GLI2: variants seen among roughly 807,000 people sequenced by gnomAD.
GLI2 encodes GLI family zinc finger 2.
A neutral mutation model predicts 78.9 loss-of-function variants in GLI2; 22 were observed. The ratio of observed to expected loss-of-function variants is 0.28; its 90% CI spans 0.20 to 0.40. The LOEUF (loss-of-function observed/expected upper bound fraction) is 0.40. GLI2 is among the 10% of genes least tolerant of loss of function. The pLI is 1.00. For synonymous variants in GLI2, 974 were observed against 963.7 expected, an observed-to-expected ratio of 1.01 and a Z score of -0.20; for missense variants, 2,097 against 2,213.2, an observed-to-expected ratio of 0.95 and a Z score of 1.05.
chr2:120,983,874 G>A (rs561321760), intron 11 of GLI2, among the ~76,000 whole-genome samples: 108 of 152,270 alleles, frequency 7.1e-4, no homozygotes, highest in African/African-American at 2.6e-3. Context: ...GCCAGCCTTA[G>A]AGGGGAGTGT....
intron 2 of GLI2, among the ~76,000 whole-genome samples, chr2:120,819,622 C>T (rs1685670191): frequency 6.6e-6 from 1 of 152,162 alleles, no homozygotes; most frequent in African/African-American, 2.4e-5. Context: ...ATGGCAGGCA[C>T]AGAGAATTCT....
intron 1 of GLI2, among the ~76,000 whole-genome samples, chr2:120,773,618 A>G (rs968311020): frequency 3.3e-5 from 5 of 152,146 alleles, no homozygotes; most frequent in African/African-American, 9.7e-5. Context: ...GTGCTTGGGT[A>G]CAGTAGCGGC....
At chr2:120,860,872 G>T (rs1426406636) in intron 2 of GLI2, among the ~76,000 whole-genome samples, 2 of 152,186 alleles carry the variant, frequency 1.3e-5, no homozygotes, top group African/African-American at 4.8e-5. Flanking sequence ...GCCCTGCGTG[G>T]ATTACCCCAT....
chr2:120,988,904 C>G lies in GLI2; in HGVS notation c.2939C>G (p.Pro980Arg), dbSNP rs563818052. The change falls in exon 14 of 14, where the codon CCG becomes CGG. Residue 980 changes from proline to arginine, a missense_variant. Pro to Arg is a moderately radical substitution (Grantham distance 103). Coordinates refer to ENST00000361492, the MANE Select transcript of GLI2 (RefSeq NM_001374353.1). Reference sequence around the variant, plus strand: ...AGCACCCACAACGTGAACCCCGGCCCGCTGCCGCCCTGTGCCGACAGGCGA... The same window carrying G: ...AGCACCCACAACGTGAACCCCGGCCGGCTGCCGCCCTGTGCCGACAGGCGA... ...FHSTHNVNPG[P>R]LPPCADRRGL... 328 of 1,509,840 alleles carry G rather than the reference C, an allele frequency of 2.2e-4. 4 individuals are homozygous for G. The African/African-American group carries it at 4.1e-3, about 19-fold the overall frequency. 93.5% of individuals were successfully genotyped at this position (1,509,840 alleles called of 1,614,324 possible). A position where few individuals can be genotyped will look rare whatever the true frequency, so the allele number is the denominator to read the frequency against.
At chr2:120,808,052 C>T (rs1685045165) in intron 2 of GLI2, among the ~76,000 whole-genome samples, 1 of 152,222 alleles carries the variant, frequency 6.6e-6, no homozygotes, top group African/African-American at 2.4e-5. Flanking sequence ...GCTTGAAACC[C>T]TGGCACCAGA....
At chr2:120,770,534 T>C (rs1254692121) in intron 1 of GLI2, among the ~76,000 whole-genome samples, 1 of 152,106 alleles carries the variant, frequency 6.6e-6, no homozygotes, top group Non-Finnish European at 1.5e-5. Context: ...GCTCTGTATT[T>C]GGGATTTGGG....
intron 1 of GLI2, among the ~76,000 whole-genome samples, chr2:120,766,610 G>A (rs776860396): frequency 2.0e-4 from 31 of 152,202 alleles, no homozygotes; most frequent in Non-Finnish European, 3.7e-4. Flanking sequence ...TGAGAGCAGC[G>A]GAGGAGCATT....
chr2:120,900,724 G>T lies in GLI2; in HGVS notation c.149-26637G>T, dbSNP rs17005365. Among the ~76,000 whole-genome samples, 11 of 152,316 alleles carry T rather than the reference G, an allele frequency of 7.2e-5. No individual in the cohort carries two copies. In the East Asian group the frequency reaches 1.2e-3, roughly 16 times the overall value. ...TGGGTAAAATAGACAAGGGATGTGC[G>T]TGGAGACGGACATTGTATCCAAAAA... On this transcript the variant is annotated intron_variant, in intron 2 of 13. Transcript: ENST00000361492.
intron 1 of GLI2, among the ~76,000 whole-genome samples, chr2:120,783,525 T>C (rs2104673242): frequency 6.6e-6 from 1 of 152,132 alleles, no homozygotes; most frequent in South Asian, 2.1e-4. Flanking sequence ...ATTGATTGTG[T>C]CTTGGAGAGA....
intron 5 of GLI2, among the ~76,000 whole-genome samples, chr2:120,956,430 C>T (rs1558913203): frequency 6.6e-6 from 1 of 152,134 alleles, no homozygotes; most frequent in East Asian, 1.9e-4. Context: ...CAGCTGCTTT[C>T]ACAGGGACAC....
At chr2:120,803,723 A>G (rs1684806484) in intron 2 of GLI2, among the ~76,000 whole-genome samples, 1 of 152,152 alleles carries the variant, frequency 6.6e-6, no homozygotes, top group Non-Finnish European at 1.5e-5. Flanking sequence ...AAAGGTTACT[A>G]AAGCTGGCCA....
intron 2 of GLI2, among the ~76,000 whole-genome samples, chr2:120,904,421 G>C (rs371142772): frequency 1.3e-5 from 2 of 152,212 alleles, no homozygotes; most frequent in Non-Finnish European, 2.9e-5. Flanking sequence ...TGGGCTCTGA[G>C]AGCCTGTCGG....
intron 3 of GLI2, among the ~76,000 whole-genome samples, chr2:120,939,350 C>T (rs1196423559): frequency 1.3e-5 from 2 of 152,154 alleles, no homozygotes; most frequent in Admixed American, 1.3e-4. Context: ...ACCCTTATCC[C>T]CTGCTCACTC....
intron 2 of GLI2, among the ~76,000 whole-genome samples, chr2:120,904,348 G>A (rs1053051340): frequency 1.3e-5 from 2 of 152,164 alleles, no homozygotes; most frequent in African/African-American, 4.8e-5. Flanking sequence ...GGGCAGCCCA[G>A]GACCAGTCTT....
chr2:120,990,966 CCGGCTTCTTCA>C lies in GLI2; in HGVS notation c.*297_*307del. 1 of 396,988 alleles carries C rather than the reference CCGGCTTCTTCA, an allele frequency of 2.5e-6. No homozygotes were observed. Among genetic ancestry groups the C allele is most frequent in the Non-Finnish European group, 4.5e-6 (1 of 221,672 alleles). The allele number at this position is 396,988 out of a possible 1,614,324, so 24.6% of individuals were successfully genotyped here. The stretch of plus-strand genomic sequence containing the variant: ...TTGGTGCTTACAGGACCGCGCTGTT[CCGGCTTCTTCA>C]CGGCTGACATTCGGCTAACGAGGGA... On this transcript the variant is annotated 3_prime_UTR_variant, in exon 14 of 14. Transcript: ENST00000361492.
intron 3 of GLI2, among the ~76,000 whole-genome samples, chr2:120,932,081 T>C (rs1244582531): frequency 6.6e-6 from 1 of 152,150 alleles, no homozygotes; most frequent in Non-Finnish European, 1.5e-5. Flanking sequence ...GCAAAGCTTG[T>C]GAGGAAAATG....
Position 120,988,404 on chromosome 2 carries a change from C to T in GLI2, c.2439C>T (p.Phe813=). 1 of 1,569,678 alleles carries T rather than the reference C, an allele frequency of 6.4e-7. No individual in the cohort carries two copies. The highest frequency in any genetic ancestry group is 8.6e-7 in the Non-Finnish European group (1 of 1,168,226). The change falls in exon 14 of 14, where the codon TTC becomes TTT. Residue 813 remains phenylalanine (F), a synonymous_variant. Coordinates refer to ENST00000361492, the MANE Select transcript of GLI2 (RefSeq NM_001374353.1). ...GCTCCTCCGGCATCTCCCCCTACTTCTCCAGCCGCCGCTCCAGCGAGGCCT... is the reference window on the plus strand; with the variant it reads ...GCTCCTCCGGCATCTCCCCCTACTTTTCCAGCCGCCGCTCCAGCGAGGCCT... The part of the protein sequence containing the change: ...SRRSSGISPY[F]SSRRSSEASP...
chr2:120,930,650 C>T (rs989682121), intron 3 of GLI2, among the ~76,000 whole-genome samples: 1 of 152,258 alleles, frequency 6.6e-6, no homozygotes, highest in African/African-American at 2.4e-5. Context: ...TACTGCAGAT[C>T]CTCAGGCCAC....
chr2:120,816,006 T>TC (rs1685477318), intron 2 of GLI2, among the ~76,000 whole-genome samples: 1 of 151,942 alleles, frequency 6.6e-6, no homozygotes, highest in African/African-American at 2.4e-5. Flanking sequence ...TGTATGACCC[T>TC]CCCCCTTGGA....
Sources: allele counts gnomAD v4.1 joint callset (sites outside exome capture counted in the v4.1 genomes callset), GRCh38; gene constraint gnomAD v4.1.1; transcripts MANE v1.5; gene names NCBI Gene and HGNC (gene_info 2026-07-23, HGNC 2026-07-21).